LRP1B: variants seen among roughly 807,000 people sequenced by gnomAD.
LRP1B encodes the protein LDL receptor related protein 1B, also known as low-density lipoprotein receptor-related protein 1B.
A neutral mutation model predicts 556.6 loss-of-function variants in LRP1B; 217 were observed. That is an observed-to-expected ratio of 0.39 (90% confidence interval 0.35 to 0.44). The LOEUF (loss-of-function observed/expected upper bound fraction) is 0.44, where lower values mean the gene tolerates loss of function less well. LRP1B is among the 20% of genes least tolerant of loss of function. The pLI is 1.00. For missense variants in LRP1B, 5,053 were observed against 5,620.8 expected (o/e 0.90, Z 3.23); for synonymous variants, 2,047 against 1,865.8 (o/e 1.10, Z -2.50).
chr2:142,041,463 T>C (rs1477810663), intron 1 of LRP1B, among the ~76,000 whole-genome samples: 1 of 151,482 alleles, frequency 6.6e-6, no homozygotes, highest in East Asian at 1.9e-4. Flanking sequence ...AGGGCAATAA[T>C]TTTGGCTGAG....
intron 3 of LRP1B, among the ~76,000 whole-genome samples, chr2:141,320,115 T>C (rs956279385): frequency 6.6e-6 from 1 of 152,088 alleles, no homozygotes; most frequent in Admixed American, 6.6e-5. Flanking sequence ...AATAGCAAGG[T>C]TCTACAGCAT....
In LRP1B at chr2:141,975,464, CA is replaced by C. The variant is rs1701859577; in HGVS notation, c.82+155183del. Among the ~76,000 whole-genome samples the C allele has an allele frequency of 4.6e-5, 7 of 152,100 alleles. No individual in the cohort carries two copies. The South Asian group carries it at 1.5e-3, about 32-fold the overall frequency. On this transcript the variant is annotated intron_variant, in intron 1 of 90. Transcript: ENST00000389484. ...TCTCAATTTTCAGCAGGCGCTATCCCAGGCAAAGCCACAGAACAGACCGTAT... is the reference window on the plus strand; with the variant it reads ...TCTCAATTTTCAGCAGGCGCTATCCCGGCAAAGCCACAGAACAGACCGTAT...
At chr2:141,144,453 G>A (rs1701732928) in intron 7 of LRP1B, among the ~76,000 whole-genome samples, 1 of 152,098 alleles carries the variant, frequency 6.6e-6, no homozygotes, top group African/African-American at 2.4e-5. Flanking sequence ...CTATCCTTAA[G>A]AAAAATTTTA....
chr2:140,627,308 A>C (rs1447465291), intron 41 of LRP1B, among the ~76,000 whole-genome samples: 1 of 152,166 alleles, frequency 6.6e-6, no homozygotes, highest in Non-Finnish European at 1.5e-5. Flanking sequence ...AGGCAGACAC[A>C]CCCTAATCTG....
Position 140,525,735 on chromosome 2 carries a change from A to G in LRP1B, c.8026+109T>C, listed in dbSNP as rs900312110. ...TTCAGTCTGTGCCATTTAAATTTTA[A>G]TGTCAATAATTGATATTAAGAATAA... On this transcript the variant is annotated intron_variant, in intron 49 of 90. Coordinates refer to ENST00000389484, the MANE Select transcript of LRP1B (RefSeq NM_018557.3). 6 of 948,936 alleles carry G rather than the reference A, an allele frequency of 6.3e-6. No homozygotes were observed. The African/African-American group carries it at 1.0e-4, about 16-fold the overall frequency. The allele number at this position is 948,936 out of a possible 1,614,324, so 58.8% of individuals were successfully genotyped here. A position where few individuals can be genotyped will look rare whatever the true frequency, so the allele number is the denominator to read the frequency against.
intron 1 of LRP1B, among the ~76,000 whole-genome samples, chr2:141,898,587 T>C (rs1253305620): frequency 6.6e-6 from 1 of 152,110 alleles, no homozygotes; most frequent in Non-Finnish European, 1.5e-5. Flanking sequence ...TGATAGATGA[T>C]GTATTCTTCA....
intron 27 of LRP1B, among the ~76,000 whole-genome samples, chr2:140,859,892 G>A (rs930448171): frequency 6.6e-6 from 1 of 152,108 alleles, no homozygotes; most frequent in East Asian, 1.9e-4. Context: ...CTACTCGGGA[G>A]GCTGAGGCAG....
chr2:141,474,226 A>AC (rs146447379), intron 3 of LRP1B, among the ~76,000 whole-genome samples: 67,397 of 150,332 alleles, frequency 0.45, 15,215 homozygotes, highest in Non-Finnish European at 0.49. Flanking sequence ...AAAATAAAAA[A>AC]AAAATGGAGT....
chr2:141,579,867 CTT>C (rs1686902206), intron 2 of LRP1B, among the ~76,000 whole-genome samples: 1 of 151,338 alleles, frequency 6.6e-6, no homozygotes, highest in East Asian at 1.9e-4. Context: ...ACCCGGCTAA[CTT>C]TTTTGTATTT....
intron 66 of LRP1B, among the ~76,000 whole-genome samples, chr2:140,440,672 A>G (rs1686384245): frequency 6.6e-6 from 1 of 152,072 alleles, no homozygotes; most frequent in Non-Finnish European, 1.5e-5. Flanking sequence ...TACATTAATT[A>G]GCACCTGTGC....
chr2:140,877,522 G>T (rs1396278979), intron 25 of LRP1B, among the ~76,000 whole-genome samples: 1 of 151,972 alleles, frequency 6.6e-6, no homozygotes, highest in Non-Finnish European at 1.5e-5. Flanking sequence ...AAATATTGAG[G>T]CCCCCAAATC....
At chr2:141,430,642 T>C (rs1420825751) in intron 3 of LRP1B, among the ~76,000 whole-genome samples, 1 of 152,160 alleles carries the variant, frequency 6.6e-6, no homozygotes, top group Admixed American at 6.5e-5. Flanking sequence ...GATCTACTTC[T>C]TTTAAAAAAG....
intron 41 of LRP1B, among the ~76,000 whole-genome samples, chr2:140,605,998 C>T (rs1236251630): frequency 6.6e-6 from 1 of 151,496 alleles, no homozygotes; most frequent in African/African-American, 2.4e-5. Context: ...ACTGGAGATT[C>T]CAGCAAGGGT....
chr2:141,529,005 TATA>T (rs902565817), intron 2 of LRP1B, among the ~76,000 whole-genome samples: 1 of 152,190 alleles, frequency 6.6e-6, no homozygotes, highest in African/African-American at 2.4e-5. Context: ...CTTAACGTAG[TATA>T]ATGTTTTACA....
At chr2:140,548,617 C>T (rs924086621) in intron 43 of LRP1B, among the ~76,000 whole-genome samples, 1 of 152,034 alleles carries the variant, frequency 6.6e-6, no homozygotes, top group Non-Finnish European at 1.5e-5. Flanking sequence ...ATCTCTCTCC[C>T]TCATCCTCTA....
At chr2:141,689,006 T>C (rs1691416092) in intron 2 of LRP1B, among the ~76,000 whole-genome samples, 1 of 151,840 alleles carries the variant, frequency 6.6e-6, no homozygotes, top group South Asian at 2.1e-4. Context: ...ATGACAAAAA[T>C]CAGAATCTAC....
rs979919148 is a variant in LRP1B at position 141,553,169 on chromosome 2, C to T, written c.206-72636G>A. ...TCTACTTTCCAGTGGAGACTGCTGC[C>T]TATAACTGATAACATCCAAGCTCAT... On this transcript the variant is annotated intron_variant, in intron 2 of 90. Transcript: ENST00000389484. 2.0e-5 allele frequency among the ~76,000 whole-genome samples: 3 copies of T among 151,778 alleles called. No individual in the cohort carries two copies. In the Admixed American group the frequency reaches 2.0e-4, roughly 10 times the overall value.
At chr2:141,267,675 TACCAGAGGG>T in intron 3 of LRP1B, among the ~76,000 whole-genome samples, 1 of 152,292 alleles carries the variant, frequency 6.6e-6, no homozygotes, top group Non-Finnish European at 1.5e-5. Context: ...CAACCAAATT[TACCAGAGGG>T]ACCTGAGAAA....
chr2:141,262,341 G>A (rs769594888), intron 3 of LRP1B, among the ~76,000 whole-genome samples: 1 of 151,710 alleles, frequency 6.6e-6, no homozygotes, highest in Non-Finnish European at 1.5e-5. Context: ...AGTTTGTTAC[G>A]AGATATATGA....
Sources: gnomAD v4.1 joint callset for allele counts (sites outside exome capture counted in the v4.1 genomes callset) on GRCh38, gnomAD v4.1.1 for gene constraint, MANE v1.5 for transcripts, NCBI Gene and HGNC (gene_info 2026-07-23, HGNC 2026-07-21) for gene names.